The following NALCN variants were observed in gnomAD, a reference collection of about 807,000 sequenced individuals.
The protein encoded by NALCN is sodium leak channel NALCN.
In NALCN, 111 loss-of-function variants were observed where a neutral mutation model predicts 225.3. That is an observed-to-expected ratio of 0.49 (90% CI 0.42 to 0.58). The LOEUF (loss-of-function observed/expected upper bound fraction) is 0.58, where lower values mean the gene tolerates loss of function less well. Ranked by LOEUF, NALCN falls within the 20% of genes least tolerant of loss-of-function variation. The pLI, the probability that NALCN is intolerant of heterozygous loss-of-function variation, is 0.00. For missense variants in NALCN, 1,378 were observed against 2,202.4 expected, an observed-to-expected ratio of 0.63 and a Z score of 7.49; for synonymous variants, 764 against 769.0, an observed-to-expected ratio of 0.99 and a Z score of 0.11.
At chr13:101,301,269 C>T (rs2043955387) in intron 7 of NALCN, among the ~76,000 whole-genome samples, 1 of 152,172 alleles carries the variant, frequency 6.6e-6, no homozygotes, top group Non-Finnish European at 1.5e-5. Context: ...ACTCCCTGCG[C>T]CCCCTGCGCT....
At chr13:101,250,611 A>G (rs1315790145) in intron 11 of NALCN, among the ~76,000 whole-genome samples, 1 of 152,040 alleles carries the variant, frequency 6.6e-6, no homozygotes, top group Admixed American at 6.6e-5. Context: ...GGAGTCTAAA[A>G]TTGAAAAAGC....
chr13:101,136,936 C>G (rs963809020), intron 17 of NALCN, among the ~76,000 whole-genome samples: 5 of 152,174 alleles, frequency 3.3e-5, no homozygotes, highest in African/African-American at 9.7e-5. Flanking sequence ...AAAAGTGTTC[C>G]TATTTCTCCA....
chr13:101,366,811 C>CAT (rs1490499463), intron 6 of NALCN, among the ~76,000 whole-genome samples: 3 of 152,098 alleles, frequency 2.0e-5, no homozygotes, highest in Admixed American at 2.0e-4. Flanking sequence ...GTTATGTTGA[C>CAT]ATATATAACG....
chr13:101,415,766 C>T (rs796430452), intron 1 of NALCN, among the ~76,000 whole-genome samples: 10 of 152,206 alleles, frequency 6.6e-5, no homozygotes, highest in African/African-American at 1.9e-4. Flanking sequence ...GGGGCAAGGC[C>T]GCGGAGCCCC....
chr13:101,086,039 TGTA>T (rs1258641233), intron 30 of NALCN, among the ~76,000 whole-genome samples: 2 of 152,168 alleles, frequency 1.3e-5, no homozygotes, highest in African/African-American at 2.4e-5. Flanking sequence ...TTTTAATGAT[TGTA>T]GCTTACTTTC....
intron 11 of NALCN, among the ~76,000 whole-genome samples, chr13:101,243,895 G>T (rs2041816908): frequency 9.5e-6 from 1 of 105,376 alleles, no homozygotes; most frequent in Admixed American, 8.9e-5. Flanking sequence ...AGTGGCCTCA[G>T]GGGACCAGAG....
Position 101,070,063 on chromosome 13 carries a change from G to T in NALCN, c.4198-1236C>A, listed in dbSNP as rs868197622. The stretch of plus-strand genomic sequence containing the variant: ...TGACCTCCTTCCATGAATCATGAAT[G>T]TTTTTTTTTTTTTTTTTTTTTGAGA... On this transcript the variant is annotated intron_variant, in intron 37 of 43. Coordinates refer to ENST00000251127, the MANE Select transcript of NALCN (RefSeq NM_052867.4). Among the ~76,000 whole-genome samples, 378 of 98,290 alleles carry T rather than the reference G, an allele frequency of 3.8e-3. 9 individuals are homozygous for T. Among genetic ancestry groups the T allele is most frequent in the African/African-American group, 0.012 (289 of 23,644 alleles). The allele number at this position is 98,290 out of a possible 152,430, so 64.5% of individuals were successfully genotyped here. A position where few individuals can be genotyped will look rare whatever the true frequency, so the allele number is the denominator to read the frequency against.
chr13:101,225,203 A>G (rs1272095978), intron 13 of NALCN, among the ~76,000 whole-genome samples: 1 of 152,168 alleles, frequency 6.6e-6, no homozygotes, highest in African/African-American at 2.4e-5. Context: ...GCAGGAAAGA[A>G]AAAACACCCC....
At chr13:101,339,618 C>T (rs866643966) in intron 7 of NALCN, among the ~76,000 whole-genome samples, 4 of 152,122 alleles carry the variant, frequency 2.6e-5, no homozygotes, top group Non-Finnish European at 5.9e-5. Flanking sequence ...TGCTCAATGC[C>T]CCAGCTGGTG....
chr13:101,215,902 G>T (rs1421890829), intron 13 of NALCN, among the ~76,000 whole-genome samples: 1 of 151,936 alleles, frequency 6.6e-6, no homozygotes, highest in Non-Finnish European at 1.5e-5. Flanking sequence ...CTCTGATTAG[G>T]ACAGGCCCAC....
intron 7 of NALCN, among the ~76,000 whole-genome samples, chr13:101,333,623 C>G (rs1056940857): frequency 2.0e-5 from 3 of 152,214 alleles, no homozygotes; most frequent in Middle Eastern, 3.2e-3. Flanking sequence ...GCAGGGCTCA[C>G]AAGCTGGAAC....
intron 11 of NALCN, among the ~76,000 whole-genome samples, chr13:101,252,684 A>G (rs937897525): frequency 6.6e-6 from 1 of 152,166 alleles, no homozygotes; most frequent in Non-Finnish European, 1.5e-5. Flanking sequence ...TTCATTGGAA[A>G]ACATGACTGT....
intron 41 of NALCN, 135 bp from the exon 42 acceptor site, chr13:101,060,102 G>A (rs1594113991): frequency 9.8e-7 from 1 of 1,016,674 alleles, no homozygotes; most frequent in East Asian, 2.6e-5. Context: ...TTCCAAGTAA[G>A]GATCCTGAAC....
At chr13:101,164,208 T>C (rs933319776) in intron 15 of NALCN, among the ~76,000 whole-genome samples, 5 of 152,172 alleles carry the variant, frequency 3.3e-5, no homozygotes, top group African/African-American at 1.2e-4. Flanking sequence ...TTCTAACAGG[T>C]ACTTCTGTTT....
chr13:101,125,948 A>G (rs1302895994), intron 17 of NALCN, among the ~76,000 whole-genome samples: 3 of 152,220 alleles, frequency 2.0e-5, no homozygotes, highest in African/African-American at 7.2e-5. Flanking sequence ...GAGGGGGGAA[A>G]GAAAACCCTC....
chr13:101,340,476 C>A (rs975661478), intron 7 of NALCN, among the ~76,000 whole-genome samples: 1 of 152,130 alleles, frequency 6.6e-6, no homozygotes, highest in Non-Finnish European at 1.5e-5. Flanking sequence ...ATATTTTGCC[C>A]GTGCATCCCA....
chr13:101,118,303 C>G (rs947782170), intron 18 of NALCN, among the ~76,000 whole-genome samples: 2 of 152,102 alleles, frequency 1.3e-5, no homozygotes, highest in Non-Finnish European at 2.9e-5. Context: ...AGTAGCCCTT[C>G]TAATCCATAA....
intron 33 of NALCN, among the ~76,000 whole-genome samples, chr13:101,082,390 G>A (rs1291960224): frequency 6.6e-6 from 1 of 152,126 alleles, no homozygotes; most frequent in African/African-American, 2.4e-5. Context: ...AACCAGTGTA[G>A]GGCAAAATAA....
At chr13:101,389,594 C>T (rs1297022734) in intron 3 of NALCN, among the ~76,000 whole-genome samples, 1 of 152,060 alleles carries the variant, frequency 6.6e-6, no homozygotes, top group Non-Finnish European at 1.5e-5. Flanking sequence ...ACCTGACGGT[C>T]GGTACACAGA....
Sources: gnomAD v4.1 joint callset for allele counts (sites outside exome capture counted in the v4.1 genomes callset) on GRCh38, gnomAD v4.1.1 for gene constraint, MANE v1.5 for transcripts, NCBI Gene and HGNC (gene_info 2026-07-23, HGNC 2026-07-21) for gene names.